Variants in DYM observed in about 807,000 individuals in gnomAD.
DYM encodes dyggve-Melchior-Clausen syndrome protein.
Under a neutral mutation model 93.1 loss-of-function variants are expected in DYM, and 78 were observed. The ratio of observed to expected loss-of-function variants is 0.84; its 90% CI spans 0.70 to 1.01. DYM has a LOEUF of 1.01. Among genes scored for constraint, DYM ranks in the 50% least tolerant of loss-of-function variants. The pLI is 0.00. For synonymous variants in DYM, 321 were observed against 319.7 expected, an observed-to-expected ratio of 1.00 and a Z score of -0.04; for missense variants, 789 against 845.0, an observed-to-expected ratio of 0.93 and a Z score of 0.82.
intron 6 of DYM, among the ~76,000 whole-genome samples, chr18:49,336,015 T>C (rs2063642121): frequency 6.6e-6 from 1 of 152,140 alleles, no homozygotes; most frequent in African/African-American, 2.4e-5. Context: ...GGTTTTACCA[T>C]GTTGCCCAGG....
chr18:49,336,694 T>C (rs1387811502), intron 6 of DYM, among the ~76,000 whole-genome samples: 2 of 152,184 alleles, frequency 1.3e-5, no homozygotes, highest in Non-Finnish European at 2.9e-5. Flanking sequence ...ATGCTACATA[T>C]TGGGGACATA....
intron 2 of DYM, among the ~76,000 whole-genome samples, chr18:49,393,034 AGGAGGAGGAGGAGGAGGGGAGGAGG>A (rs1256124567): frequency 1.0e-5 from 1 of 96,420 alleles, no homozygotes; most frequent in Non-Finnish European, 2.1e-5. Context: ...AAGAAGGAGG[AGGAGGAGGAGGAGGAGGGGAGGAGG>A]GGAGGAGGAG....
intron 6 of DYM, among the ~76,000 whole-genome samples, chr18:49,339,251 T>A (rs999202861): frequency 6.6e-6 from 1 of 152,214 alleles, no homozygotes; most frequent in Non-Finnish European, 1.5e-5. Context: ...CACGCGTGCA[T>A]GCGCACGTGC....
intron 17 of DYM, among the ~76,000 whole-genome samples, chr18:49,095,638 A>G (rs1275500149): frequency 1.3e-5 from 2 of 152,156 alleles, no homozygotes; most frequent in Non-Finnish European, 2.9e-5. Flanking sequence ...ATCAGAGTCA[A>G]CTTGCCTGGG....
At chr18:49,121,548 T>G (rs2082381634) in intron 15 of DYM, among the ~76,000 whole-genome samples, 1 of 151,578 alleles carries the variant, frequency 6.6e-6, no homozygotes, top group Non-Finnish European at 1.5e-5. Context: ...TTCAAGCACG[T>G]CAGAAAATAC....
intron 5 of DYM, among the ~76,000 whole-genome samples, chr18:49,374,148 A>G (rs2067278939): frequency 6.6e-6 from 1 of 152,204 alleles, no homozygotes; most frequent in Non-Finnish European, 1.5e-5. Context: ...TGGTTTGGGA[A>G]TAGTTAAATT....
At chr18:49,131,690 T>C (rs182031037) in intron 15 of DYM, among the ~76,000 whole-genome samples, 3 of 152,298 alleles carry the variant, frequency 2.0e-5, no homozygotes, top group Admixed American at 2.0e-4. Flanking sequence ...CACTTAACCA[T>C]CACTAAAGTG....
At chr18:49,215,754 C>T (rs1186196787) in intron 13 of DYM, among the ~76,000 whole-genome samples, 1 of 152,192 alleles carries the variant, frequency 6.6e-6, no homozygotes, top group South Asian at 2.1e-4. Flanking sequence ...AATGAAACTA[C>T]ACAAAGAAGC....
At chr18:49,431,669 A>T (rs539653375) in intron 1 of DYM, 2 of 152,362 alleles carry the variant, frequency 1.3e-5, no homozygotes, top group African/African-American at 4.8e-5. Flanking sequence ...ACATGGCCTC[A>T]GGGACCAAAG....
intron 17 of DYM, among the ~76,000 whole-genome samples, chr18:49,079,453 G>T (rs1269582663): frequency 6.6e-6 from 1 of 151,694 alleles, no homozygotes; most frequent in Admixed American, 6.6e-5. Flanking sequence ...TTCTCGCAGA[G>T]GGGGATTTGG....
intron 13 of DYM, among the ~76,000 whole-genome samples, chr18:49,225,929 A>C (rs1386527259): frequency 6.6e-6 from 1 of 152,170 alleles, no homozygotes; most frequent in African/African-American, 2.4e-5. Flanking sequence ...TTAGGTTCAG[A>C]TATAAATTTG....
intron 15 of DYM, among the ~76,000 whole-genome samples, chr18:49,123,893 A>C (rs1196647194): frequency 6.6e-6 from 1 of 152,214 alleles, no homozygotes; most frequent in African/African-American, 2.4e-5. Flanking sequence ...AACCCAATGA[A>C]ATGGTATGAC....
At chr18:49,431,265 T>C (rs1182205883) in intron 1 of DYM, among the ~76,000 whole-genome samples, 1 of 152,234 alleles carries the variant, frequency 6.6e-6, no homozygotes, top group Admixed American at 6.5e-5. Flanking sequence ...CATTCTGCTG[T>C]AGGGCACATA....
chr18:49,389,833 T>C (rs1159231464), intron 3 of DYM, among the ~76,000 whole-genome samples: 2 of 151,346 alleles, frequency 1.3e-5, no homozygotes, highest in Non-Finnish European at 2.9e-5. Context: ...CCAGCTACTT[T>C]CAGTTTTCTT....
chr18:49,205,992 G>GTTTTTTTGTTTT (rs1748150622), intron 14 of DYM: 1 of 55,802 alleles, frequency 1.8e-5, no homozygotes, highest in Non-Finnish European at 4.8e-5. Context: ...CTAAGGTAGA[G>GTTTTTTTGTTTT]TTTTTTTTTT....
Position 49,147,054 on chromosome 18 carries a change from T to C in DYM, c.1728+16631A>G, listed in dbSNP as rs1042382323. 4.5e-4 allele frequency among the ~76,000 whole-genome samples: 68 copies of C among 152,088 alleles called. No homozygotes were observed. In the East Asian group the frequency reaches 0.012, roughly 26 times the overall value. On this transcript the variant is annotated intron_variant, in intron 15 of 17. Coordinates refer to ENST00000675505, the MANE Select transcript of DYM (RefSeq NM_001353214.3). ...AGAAATAATGCCGCATATCTACAAC[T>C]ATCTGATCTTTGACAAACCTGACAA...
intron 8 of DYM, among the ~76,000 whole-genome samples, chr18:49,322,987 T>A (rs1022381975): frequency 2.6e-5 from 4 of 152,190 alleles, no homozygotes; most frequent in Non-Finnish European, 4.4e-5. Context: ...CAGGTCTACC[T>A]AACACAAACA....
intron 13 of DYM, among the ~76,000 whole-genome samples, chr18:49,213,358 A>G (rs1349158784): frequency 6.7e-6 from 1 of 148,694 alleles, no homozygotes; most frequent in Non-Finnish European, 1.5e-5. Context: ...GTGCAATGGC[A>G]TGATCTCGGC....
At chr18:49,216,053 C>G (rs2143787867) in intron 13 of DYM, among the ~76,000 whole-genome samples, 1 of 152,340 alleles carries the variant, frequency 6.6e-6, no homozygotes, top group South Asian at 2.1e-4. Flanking sequence ...CACCCTAATA[C>G]TGCGCTTTTC....
Sources: gnomAD v4.1 joint callset for allele counts (sites outside exome capture counted in the v4.1 genomes callset) on GRCh38, gnomAD v4.1.1 for gene constraint, MANE v1.5 for transcripts, NCBI Gene and HGNC (gene_info 2026-07-23, HGNC 2026-07-21) for gene names.